Variants in TBC1D2B observed in about 807,000 individuals in gnomAD.
TBC1D2B encodes TBC1 domain family member 2B.
TBC1D2B carries 64 observed loss-of-function variants against 100.8 expected under a neutral mutation model. That is an observed-to-expected ratio of 0.64 (90% confidence interval 0.52 to 0.78). TBC1D2B has a LOEUF of 0.78. TBC1D2B is among the 30% of genes least tolerant of loss of function. The pLI is 0.00. For missense variants in TBC1D2B, 1,052 were observed against 1,218.4 expected, an observed-to-expected ratio of 0.86 and a Z score of 2.03; for synonymous variants, 480 against 479.7, an observed-to-expected ratio of 1.00 and a Z score of -0.01.
In TBC1D2B at chr15:77,998,449, G is replaced by C; in HGVS notation, c.2697-94C>G. On this transcript the variant is annotated intron_variant, in intron 12 of 12. Coordinates refer to ENST00000300584, the MANE Select transcript of TBC1D2B (RefSeq NM_144572.2). ...CAGGCATAGCAGGTGGCCTGGGGCA[G>C]GGTGGGAAGAGCGCTGGCCAGGCTT... 4.0e-6 allele frequency: 5 copies of C among 1,244,868 alleles called. No homozygotes were observed. In the Admixed American group the frequency reaches 1.2e-4, roughly 31 times the overall value. 77.1% of individuals were successfully genotyped at this position (1,244,868 alleles called of 1,614,324 possible). A position where few individuals can be genotyped will look rare whatever the true frequency, so the allele number is the denominator to read the frequency against.
rs192898108 is a variant in TBC1D2B at position 78,034,673 on chromosome 15, C to T, written c.684-4503G>A. On this transcript the variant is annotated intron_variant, in intron 3 of 12. Transcript: ENST00000300584. Reference sequence around the variant, plus strand: ...CAGCCTGTTGCAAGCCTGAGTCGTACGCTGCCGTGCTCTCACCTGCAGCTG... The same window carrying T: ...CAGCCTGTTGCAAGCCTGAGTCGTATGCTGCCGTGCTCTCACCTGCAGCTG... The T allele has an allele frequency of 1.0e-5, 10 of 985,424 alleles. No homozygotes were observed. In the East Asian group the frequency reaches 9.1e-4, roughly 89 times the overall value. 61.0% of individuals were successfully genotyped at this position (985,424 alleles called of 1,614,324 possible). A position where few individuals can be genotyped will look rare whatever the true frequency, so the allele number is the denominator to read the frequency against.
intron 10 of TBC1D2B, among the ~76,000 whole-genome samples, chr15:78,003,850 G>A (rs985504087): frequency 6.6e-6 from 1 of 152,222 alleles, no homozygotes; most frequent in African/African-American, 2.4e-5. Flanking sequence ...TACGTGAGAT[G>A]TTGACACAAA....
At chr15:78,010,631 G>A (rs1260479145) in intron 9 of TBC1D2B, among the ~76,000 whole-genome samples, 2 of 151,986 alleles carry the variant, frequency 1.3e-5, no homozygotes, top group African/African-American at 4.8e-5. Context: ...CAAATTGAGA[G>A]ACAGGACTCG....
chr15:78,058,306 G>A (rs962124587), intron 1 of TBC1D2B, among the ~76,000 whole-genome samples: 1 of 152,166 alleles, frequency 6.6e-6, no homozygotes, highest in African/African-American at 2.4e-5. Context: ...ATAAGCCAAG[G>A]GCATGGGGTC....
intron 8 of TBC1D2B, among the ~76,000 whole-genome samples, chr15:78,013,692 G>GCTTAAAAA (rs1179845801): frequency 6.6e-6 from 1 of 151,900 alleles, no homozygotes; most frequent in African/African-American, 2.4e-5. Flanking sequence ...CACTACATAT[G>GCTTAAAAA]TATAACTTTA....
chr15:78,044,628 A>C (rs2073158086), intron 3 of TBC1D2B, among the ~76,000 whole-genome samples: 1 of 152,224 alleles, frequency 6.6e-6, no homozygotes, highest in African/African-American at 2.4e-5. Context: ...AGCCAGTTTC[A>C]GTCTCTGTAA....
At chr15:78,037,558 C>T (rs540967749) in intron 3 of TBC1D2B, among the ~76,000 whole-genome samples, 7 of 141,784 alleles carry the variant, frequency 4.9e-5, no homozygotes, top group Admixed American at 1.4e-4. Flanking sequence ...CAGCTGACAG[C>T]GGGGAGGGAC....
At chr15:78,020,762 T>C (rs1320499133) in intron 6 of TBC1D2B, among the ~76,000 whole-genome samples, 1 of 152,108 alleles carries the variant, frequency 6.6e-6, no homozygotes, top group Non-Finnish European at 1.5e-5. Context: ...TAAACTAAAC[T>C]GTGAGGCCCA....
Position 78,009,006 on chromosome 15 carries a change from TAA to T in TBC1D2B, c.2377_2378del (p.Leu793ArgfsTer15). The T allele has an allele frequency of 6.3e-7, 1 of 1,589,522 alleles. No individual in the cohort carries two copies. The highest frequency in any genetic ancestry group is 8.6e-7 in the Non-Finnish European group (1 of 1,166,416). On this transcript the variant is annotated frameshift_variant, in exon 10 of 13. Transcript: ENST00000300584. LOFTEE classifies it high-confidence loss of function. The part of the protein sequence containing the change: ...MPRDYYTKTL[L>X]GSQVDQRVFR... ...GAATTTTCAGAACTACCTGGGATCC[TAA>T]AAGAGTCTTTGTATAATAGTCTCGA... is the stretch of plus-strand genomic sequence containing the variant.
chr15:78,029,487 T>C (rs1217850821), intron 4 of TBC1D2B, among the ~76,000 whole-genome samples: 1 of 152,224 alleles, frequency 6.6e-6, no homozygotes, highest in African/African-American at 2.4e-5. Context: ...AAAGAAGTTG[T>C]AGTTATAATT....
chr15:78,060,143 T>C (rs2073513212), intron 1 of TBC1D2B, among the ~76,000 whole-genome samples: 1 of 152,204 alleles, frequency 6.6e-6, no homozygotes, highest in South Asian at 2.1e-4. Context: ...AAAGTGTTCA[T>C]TTGCTTAACA....
rs1358151873 is a variant in TBC1D2B, at chr15:78,044,979, G to C, written c.604C>G (p.Gln202Glu). 1.2e-6 allele frequency: 2 copies of C among 1,613,684 alleles called. No individual in the cohort carries two copies. Among genetic ancestry groups the C allele is most frequent in the East Asian group, 2.2e-5 (1 of 44,886 alleles). The change falls in exon 3 of 13, where the codon CAA becomes GAA. Residue 202 changes from glutamine (Q) to glutamate (E), a missense_variant. Physicochemically the swap from Gln to Glu is conservative, Grantham distance 29 (BLOSUM62 2). This residue lies in a region of TBC1D2B where 627 missense variants were observed against 646.1 expected (regional missense o/e 0.97). Transcript: ENST00000300584. Reference sequence around the variant, plus strand: ...CCTGGGGCGGGCTGATTTGCAGCTTGTTCTCCCACCAGCTCTCCAGGCACA... The same window carrying C: ...CCTGGGGCGGGCTGATTTGCAGCTTCTTCTCCCACCAGCTCTCCAGGCACA... ...ETVPGELVGE[Q>E]AANQPAPGHP...
chr15:78,070,821 C>T (rs922675917), intron 1 of TBC1D2B, among the ~76,000 whole-genome samples: 1 of 152,026 alleles, frequency 6.6e-6, no homozygotes, highest in African/African-American at 2.4e-5. Flanking sequence ...TCATGCCTGG[C>T]TAGTTTGTTT....
chr15:78,046,201 G>C (rs1302089448), intron 2 of TBC1D2B, among the ~76,000 whole-genome samples: 4 of 152,050 alleles, frequency 2.6e-5, no homozygotes, highest in Non-Finnish European at 5.9e-5. Flanking sequence ...CAAAGTGCTG[G>C]GATTACAGGC....
chr15:78,061,131 C>G (rs543564216), intron 1 of TBC1D2B, among the ~76,000 whole-genome samples: 1 of 152,114 alleles, frequency 6.6e-6, no homozygotes, highest in Non-Finnish European at 1.5e-5. Flanking sequence ...GTAATCCCAG[C>G]TACTTGGGAG....
chr15:78,025,317 T>A lies in TBC1D2B; in HGVS notation c.1028A>T (p.Gln343Leu). 1 of 1,613,958 alleles carries A rather than the reference T, an allele frequency of 6.2e-7. No individual in the cohort carries two copies. Among genetic ancestry groups the A allele is most frequent in the African/African-American group, 1.3e-5 (1 of 75,042 alleles). ...CAGCTCTTCCTGCTGGCTCTGGACC[T>A]GCAGTTGCATTTCGGAGGCCGGCTT... is the stretch of plus-strand genomic sequence containing the variant. ...IRKPASEMQL[Q>L]VQSQQEELEQ... Residue 343 changes from glutamine (Q) to leucine (L), a missense_variant, in exon 5 of 13, where the codon CAG becomes CTG. Coordinates refer to ENST00000300584, the MANE Select transcript of TBC1D2B (RefSeq NM_144572.2).
At chr15:78,008,113 C>T (rs1345621659) in intron 10 of TBC1D2B, among the ~76,000 whole-genome samples, 1 of 152,218 alleles carries the variant, frequency 6.6e-6, no homozygotes, top group Non-Finnish European at 1.5e-5. Context: ...ATGCGAAGGG[C>T]CGGCTTACGG....
chr15:78,065,548 C>T (rs2073638750), intron 1 of TBC1D2B, among the ~76,000 whole-genome samples: 1 of 152,200 alleles, frequency 6.6e-6, no homozygotes, highest in African/African-American at 2.4e-5. Flanking sequence ...CTCCAAGTGA[C>T]CACAGGGCTA....
chr15:78,010,057 AC>A (rs1013130729), intron 9 of TBC1D2B, among the ~76,000 whole-genome samples: 3 of 152,234 alleles, frequency 2.0e-5, no homozygotes, highest in Middle Eastern at 3.4e-3. Flanking sequence ...CCTTTTATGC[AC>A]AAAAATTCCA....
Sources: allele counts gnomAD v4.1 joint callset (sites outside exome capture counted in the v4.1 genomes callset), GRCh38; gene constraint gnomAD v4.1.1; regional missense constraint gnomAD v4.1.1; transcripts MANE v1.5; gene names NCBI Gene and HGNC (gene_info 2026-07-23, HGNC 2026-07-21).